Variants in GLG1 observed in about 807,000 individuals in gnomAD.
The protein encoded by GLG1 is Golgi apparatus protein 1.
In GLG1, 38 loss-of-function variants were observed where a neutral mutation model predicts 160.5. The observed-to-expected ratio is 0.24, with a 90% CI of 0.18 to 0.31. The LOEUF is 0.31. GLG1 is among the 10% of genes least tolerant of loss of function. The pLI, the probability that GLG1 is intolerant of heterozygous loss-of-function variation, is 1.00. For missense variants in GLG1, 1,373 were observed against 1,505.2 expected (o/e 0.91, Z 1.45); for synonymous variants, 644 against 543.4 (o/e 1.19, Z -2.57).
At chr16:74,584,483 A>G (rs1958003056) in intron 1 of GLG1, among the ~76,000 whole-genome samples, 1 of 152,188 alleles carries the variant, frequency 6.6e-6, no homozygotes, top group South Asian at 2.1e-4. Flanking sequence ...ACTCTTACCA[A>G]TTAGTTTCAG....
intron 2 of GLG1, among the ~76,000 whole-genome samples, chr16:74,531,470 C>T (rs1381968872): frequency 3.9e-5 from 6 of 152,156 alleles, no homozygotes; most frequent in African/African-American, 7.2e-5. Context: ...AGGCATGCAC[C>T]GCCATGCCCA....
intron 1 of GLG1, among the ~76,000 whole-genome samples, chr16:74,595,592 C>G (rs1411900942): frequency 2.0e-5 from 3 of 152,202 alleles, no homozygotes; most frequent in East Asian, 1.9e-4. Flanking sequence ...ATTTCCTGTA[C>G]TGTACGCCTA....
Position 74,467,833 on chromosome 16 carries a change from A to G in GLG1, c.2452T>C (p.Leu818=). Reference sequence around the variant, plus strand: ...CAGGCTTCGTATAGATCTGGCTCCAAGCGGATGTCCTCCGTCTGCATGAGG... The same window carrying G: ...CAGGCTTCGTATAGATCTGGCTCCAGGCGGATGTCCTCCGTCTGCATGAGG... ...EELEMTEDIR[L]EPDLYEACKS... Residue 818 remains leucine (L), a synonymous_variant, in exon 18 of 26, where the codon TTG becomes CTG. Coordinates refer to ENST00000422840, the MANE Select transcript of GLG1 (RefSeq NM_001145667.2). 1.2e-6 allele frequency: 2 copies of G among 1,612,522 alleles called. No individual in the cohort carries two copies. Among genetic ancestry groups the G allele is most frequent in the Non-Finnish European group, 1.7e-6 (2 of 1,178,760 alleles).
At chr16:74,594,803 G>C (rs148565807) in intron 1 of GLG1, among the ~76,000 whole-genome samples, 2 of 152,128 alleles carry the variant, frequency 1.3e-5, no homozygotes, top group African/African-American at 4.8e-5. Context: ...GCAGTGGCAC[G>C]ATCTCAAAAT....
rs985915175 is a variant in GLG1 at position 74,477,649 on chromosome 16, T to C, written c.1828-116A>G. On this transcript the variant is annotated intron_variant, in intron 11 of 25. Transcript: ENST00000422840. ...ATAACCCTGTATTTTATCTCCCAAATTTTATACCTCAAATATCTTCCAGAA... is the reference window on the plus strand; with the variant it reads ...ATAACCCTGTATTTTATCTCCCAAACTTTATACCTCAAATATCTTCCAGAA... The C allele has an allele frequency of 4.2e-6, 3 of 717,386 alleles. No homozygotes were observed. The African/African-American group carries it at 5.4e-5, about 13-fold the overall frequency. 44.4% of individuals were successfully genotyped at this position (717,386 alleles called of 1,614,324 possible). A position where few individuals can be genotyped will look rare whatever the true frequency, so the allele number is the denominator to read the frequency against.
chr16:74,493,206 T>G, intron 6 of GLG1, 66 bp from the exon 7 acceptor site: 1 of 1,051,808 alleles, frequency 9.5e-7, no homozygotes, highest in Admixed American at 2.2e-5. Flanking sequence ...CGTGTACCAC[T>G]AAGATGAGCA....
intron 1 of GLG1, among the ~76,000 whole-genome samples, chr16:74,605,108 G>A (rs1958535430): frequency 6.6e-6 from 1 of 152,092 alleles, no homozygotes; most frequent in Non-Finnish European, 1.5e-5. Context: ...GGTGTTCACA[G>A]TACTCTTCCT....
chr16:74,499,942 G>C (rs1479331337), intron 4 of GLG1, among the ~76,000 whole-genome samples: 2 of 152,164 alleles, frequency 1.3e-5, no homozygotes, highest in Admixed American at 6.5e-5. Flanking sequence ...GGCGGAACTT[G>C]CAGTGAGCCG....
chr16:74,533,279 C>T (rs2017596679), intron 1 of GLG1, among the ~76,000 whole-genome samples: 1 of 152,172 alleles, frequency 6.6e-6, no homozygotes, highest in Non-Finnish European at 1.5e-5. Context: ...CGAGATCGCA[C>T]CACTGCACTC....
intron 1 of GLG1, among the ~76,000 whole-genome samples, chr16:74,593,963 A>G (rs1031218117): frequency 4.0e-5 from 6 of 151,658 alleles, no homozygotes; most frequent in African/African-American, 1.2e-4. Context: ...CTAGAGTGCA[A>G]TGGCACGATC....
Position 74,450,035 on chromosome 16 carries a change from C to T in GLG1, c.*3132G>A, listed in dbSNP as rs953462129. 2 of 152,382 alleles carry T rather than the reference C, an allele frequency of 1.3e-5. No homozygotes were observed. The highest frequency in any genetic ancestry group is 4.8e-5 in the African/African-American group (2 of 41,454). The allele number at this position is 152,382 out of a possible 1,614,324, so 9.4% of individuals were successfully genotyped here. On this transcript the variant is annotated 3_prime_UTR_variant, in exon 26 of 26. Transcript: ENST00000422840. The stretch of plus-strand genomic sequence containing the variant: ...GCCTCCAGCCTGGCAGTCCGGGCTC[C>T]AGGTACCTCTAGAGGGCTGTGGCGC...
At chr16:74,473,625 A>G (rs2015292338) in intron 13 of GLG1, among the ~76,000 whole-genome samples, 1 of 151,802 alleles carries the variant, frequency 6.6e-6, no homozygotes, top group African/African-American at 2.4e-5. Flanking sequence ...TATTTTTAGT[A>G]CAGACGGGGT....
chr16:74,497,813 C>T (rs938274033), intron 4 of GLG1, among the ~76,000 whole-genome samples: 9 of 152,192 alleles, frequency 5.9e-5, no homozygotes, highest in Non-Finnish European at 1.3e-4. Flanking sequence ...TTGCTCCTTT[C>T]CCTACTCTGT....
chr16:74,469,785 C>T, intron 16 of GLG1, 200 bp downstream of exon 16: 1 of 582,948 alleles, frequency 1.7e-6, no homozygotes, highest in Non-Finnish European at 3.1e-6. Context: ...GCCTATGGGA[C>T]CTCCATGTGA....
chr16:74,596,094 G>C (rs1000171137), intron 1 of GLG1, among the ~76,000 whole-genome samples: 1 of 152,134 alleles, frequency 6.6e-6, no homozygotes, highest in African/African-American at 2.4e-5. Flanking sequence ...GTTTTCCTTT[G>C]ATAGGCAGTA....
intron 1 of GLG1, among the ~76,000 whole-genome samples, chr16:74,573,970 G>A (rs143574910): frequency 6.6e-6 from 1 of 151,988 alleles, no homozygotes; most frequent in Non-Finnish European, 1.5e-5. Flanking sequence ...ATTTTTTGTA[G>A]AGGCATGACT....
rs1231510606 is a variant in GLG1, at chr16:74,561,232, T to C, written c.439-29079A>G. The stretch of plus-strand genomic sequence containing the variant: ...AGAAGGCTGAGGTCCCTGCCCCCAA[T>C]ATTGGCACCTAGGCCTGCACCCTCA... On this transcript the variant is annotated intron_variant, in intron 1 of 25. Transcript: ENST00000422840. Among the ~76,000 whole-genome samples the C allele has an allele frequency of 1.3e-5, 2 of 152,230 alleles. 1 individual carries two copies. Among genetic ancestry groups the C allele is most frequent in the Non-Finnish European group, 2.9e-5 (2 of 68,036 alleles).
intron 4 of GLG1, among the ~76,000 whole-genome samples, chr16:74,501,246 T>TA (rs1490646756): frequency 1.3e-5 from 2 of 152,150 alleles, no homozygotes; most frequent in Admixed American, 6.5e-5. Flanking sequence ...GAGTGAATGA[T>TA]ATAGGAAGGA....
At chr16:74,479,452 A>G (rs1280236028) in intron 11 of GLG1, among the ~76,000 whole-genome samples, 2 of 151,764 alleles carry the variant, frequency 1.3e-5, no homozygotes, top group Admixed American at 6.6e-5. Context: ...GAGAGAAAAA[A>G]AAAAAAAAAA....
Sources: gnomAD v4.1 joint callset for allele counts (sites outside exome capture counted in the v4.1 genomes callset) on GRCh38, gnomAD v4.1.1 for gene constraint, MANE v1.5 for transcripts, NCBI Gene and HGNC (gene_info 2026-07-23, HGNC 2026-07-21) for gene names.